The following CSF3R variants were observed in gnomAD, a reference collection of about 807,000 sequenced individuals.
CSF3R encodes the protein colony stimulating factor 3 receptor.
In CSF3R, 52 loss-of-function variants were observed where a neutral mutation model predicts 84.4. The ratio of observed to expected loss-of-function variants is 0.62; its 90% CI spans 0.49 to 0.78. The LOEUF is 0.78. Ranked by LOEUF, CSF3R falls within the 30% of genes least tolerant of loss-of-function variation. The probability of loss-of-function intolerance (pLI) is 0.00; values close to 1 mark genes in which losing one functional copy is unlikely to be tolerated. For missense variants in CSF3R, 890 were observed against 1,055.7 expected (o/e 0.84, Z 2.17); for synonymous variants, 384 against 429.1 (o/e 0.89, Z 1.30).
intron 2 of CSF3R, among the ~76,000 whole-genome samples, chr1:36,480,609 A>G (rs957962584): frequency 3.3e-5 from 5 of 152,180 alleles, no homozygotes; most frequent in African/African-American, 4.8e-5. Flanking sequence ...ATCAGTGGGA[A>G]TCGCTGGTCA....
chr1:36,479,148 T>C (rs977602969), intron 3 of CSF3R: 4 of 489,076 alleles, frequency 8.2e-6, no homozygotes, highest in Non-Finnish European at 1.5e-5. Context: ...ATAGGACCCA[T>C]GGGTTGCTTC....
intron 6 of CSF3R, 39 bp downstream of exon 6, chr1:36,473,395 GC>G: frequency 6.2e-7 from 1 of 1,606,768 alleles, no homozygotes; most frequent in Non-Finnish European, 8.5e-7. Context: ...CTCAGTGTCT[GC>G]CCATTTTGGG....
Position 36,471,622 on chromosome 1 carries a change from C to T in CSF3R, c.1096G>A (p.Gly366Arg), listed in dbSNP as rs768170625. Reference protein sequence around the residue: ...WKPVPLEEDSGRIQGYVVSWR... With the variant: ...WKPVPLEEDSRRIQGYVVSWR... ...GAAACCACATAACCTTGGATCCGTCCGCTGTCTTCCTCCAGGGGCACTGGC... is the reference window on the plus strand; with the variant it reads ...GAAACCACATAACCTTGGATCCGTCTGCTGTCTTCCTCCAGGGGCACTGGC... The change falls in exon 10 of 17, where the codon GGA becomes AGA. Residue 366 changes from glycine to arginine, a missense_variant. Coordinates refer to ENST00000373106, the MANE Select transcript of CSF3R (RefSeq NM_000760.4). The T allele has an allele frequency of 1.4e-4, 232 of 1,614,058 alleles. No homozygotes were observed. In the East Asian group the frequency reaches 1.5e-3, roughly 11 times the overall value.
chr1:36,473,129 G>T, intron 6 of CSF3R: 1 of 434,494 alleles, frequency 2.3e-6, no homozygotes, highest in Non-Finnish European at 4.1e-6. Context: ...ACATTCTGAG[G>T]GCATTTTTGA....
rs3918002 is a variant in CSF3R, at chr1:36,466,329, A to C, written c.*28T>G. On this transcript the variant is annotated 3_prime_UTR_variant, in exon 17 of 17. Transcript: ENST00000373106. The surrounding 1 kb of genome is among the most constrained non-coding windows in gnomAD (Gnocchi z 4.6). ...CAGCTAGCTCAGGCCTTTAAGAGGC[A>C]GGCCCAAGAAGGGAACCCCAGGAAG... 2.5e-4 allele frequency: 398 copies of C among 1,612,186 alleles called. 1 individual carries two copies. In the African/African-American group the frequency reaches 4.7e-3, roughly 19 times the overall value.
At chr1:36,471,217 TG>T (rs1650699929) in intron 10 of CSF3R, among the ~76,000 whole-genome samples, 1 of 152,144 alleles carries the variant, frequency 6.6e-6, no homozygotes, top group South Asian at 2.1e-4. Context: ...GGCTAATTTT[TG>T]TATTTTTAGT....
chr1:36,476,441 T>C (rs1458900487), intron 3 of CSF3R: 1 of 152,216 alleles, frequency 6.6e-6, no homozygotes, highest in African/African-American at 2.4e-5. Context: ...GGCATGTGAG[T>C]ATTTGCTGCC....
rs201519524 is a variant in CSF3R, at chr1:36,468,050, G to A, written c.1723+25C>T. 995 of 1,614,266 alleles carry A rather than the reference G, an allele frequency of 6.2e-4. 2 individuals are homozygous for A. The highest frequency in any genetic ancestry group is 3.0e-3 in the Middle Eastern group (18 of 6,062). On this transcript the variant is annotated intron_variant, in intron 13 of 16. Coordinates refer to ENST00000373106, the MANE Select transcript of CSF3R (RefSeq NM_000760.4). ...ACCCCCTTCCAGGCCTTCTGGGGCTGTGGGGGAACTGAGGATAGACTCACA... is the reference window on the plus strand; with the variant it reads ...ACCCCCTTCCAGGCCTTCTGGGGCTATGGGGGAACTGAGGATAGACTCACA...
intron 3 of CSF3R, among the ~76,000 whole-genome samples, chr1:36,477,871 G>A (rs185975175): frequency 7.9e-5 from 12 of 151,952 alleles, no homozygotes; most frequent in Non-Finnish European, 1.6e-4. Flanking sequence ...CCATTGTCCT[G>A]CCTCAGCCTC....
At position 36,466,284 on chromosome 1, in the gene CSF3R, A is replaced by T. The variant is rs1390575972; in HGVS notation, c.*73T>A. The T allele has an allele frequency of 5.0e-6, 8 of 1,611,868 alleles. No individual in the cohort carries two copies. In the East Asian group the frequency reaches 6.7e-5, roughly 13 times the overall value. ...TGGGGTAGTTTTTAGTCATGGGCTT[A>T]TGGACCCTCCCCTCTTCTCCAGCTA... On this transcript the variant is annotated 3_prime_UTR_variant, in exon 17 of 17. Coordinates refer to ENST00000373106, the MANE Select transcript of CSF3R (RefSeq NM_000760.4). This position sits in a 1 kb window ranked among gnomAD's most constrained non-coding sequence, Gnocchi z 4.6.
chr1:36,475,385 C>CGCA lies in CSF3R; in HGVS notation c.350_352dup (p.Leu117dup). ...TGGCTGGAAGGACTTACAGCCTGCG[C>CGCA]GCAGCTCAACCTGGTCCAGGATCTG... On this transcript the variant is annotated inframe_insertion, in exon 4 of 17. Transcript: ENST00000373106. The CGCA allele has an allele frequency of 6.2e-7, 1 of 1,613,814 alleles. No homozygotes were observed. The highest frequency in any genetic ancestry group is 1.1e-5 in the South Asian group (1 of 91,058).
At chr1:36,471,870 G>A in intron 9 of CSF3R, 196 bp downstream of exon 9, 1 of 693,638 alleles carries the variant, frequency 1.4e-6, no homozygotes, top group Middle Eastern at 4.0e-4. Flanking sequence ...ACTATTCACT[G>A]AACCACACTG....
chr1:36,475,903 C>T, intron 3 of CSF3R: 1 of 531,778 alleles, frequency 1.9e-6, no homozygotes, highest in Admixed American at 3.4e-5. Context: ...CAGAGAAAAG[C>T]AGACCCTGGT....
chr1:36,473,629 A>T lies in CSF3R; in HGVS notation c.486-7T>A. On this transcript the variant is annotated splice_region_variant and splice_polypyrimidine_tract_variant and intron_variant, in intron 5 of 16. Coordinates refer to ENST00000373106, the MANE Select transcript of CSF3R (RefSeq NM_000760.4). The stretch of plus-strand genomic sequence containing the variant: ...CTGACAGTTGCCCCGGCTCCTGCCA[A>T]TAGTCCAGGCTTGGGTGCCAAGCAG... 1 of 1,613,980 alleles carries T rather than the reference A, an allele frequency of 6.2e-7. No individual in the cohort carries two copies. Among genetic ancestry groups the T allele is most frequent in the Non-Finnish European group, 8.5e-7 (1 of 1,180,024 alleles).
chr1:36,471,406 G>T (rs1402196052), intron 10 of CSF3R, 27 bp downstream of exon 10: 12 of 1,600,104 alleles, frequency 7.5e-6, no homozygotes, highest in Non-Finnish European at 1.0e-5. Context: ...TGACCTCTGT[G>T]CTCTTCTGGC....
At chr1:36,480,661 C>T (rs1651463524) in intron 2 of CSF3R, among the ~76,000 whole-genome samples, 1 of 152,188 alleles carries the variant, frequency 6.6e-6, no homozygotes, top group African/African-American at 2.4e-5. Flanking sequence ...CAGGTGGTGT[C>T]CCAGCAGATC....
In CSF3R at chr1:36,472,271, T is replaced by C. The variant is rs376634675; in HGVS notation, c.964A>G (p.Ser322Gly). The change falls in exon 8 of 17, where the codon AGC becomes GGC. Residue 322 changes from serine (S) to glycine (G), a missense_variant. Coordinates refer to ENST00000373106, the MANE Select transcript of CSF3R (RefSeq NM_000760.4). The surrounding 1 kb of genome is among the most constrained non-coding windows in gnomAD (Gnocchi z 5.0). ...GTAGTTCTCAGCTCCAGGCTGGGGC[T>C]CCAGTCGCTCCAGTGGCCAGGCAGG... The part of the protein sequence containing the change: ...WPLPGHWSDW[S>G]PSLELRTTER... The C allele has an allele frequency of 1.4e-5, 22 of 1,614,044 alleles. No individual in the cohort carries two copies. Among genetic ancestry groups the C allele is most frequent in the Non-Finnish European group, 1.9e-5 (22 of 1,180,036 alleles).
rs754739637 is a variant in CSF3R at position 36,467,909 on chromosome 1, C to G, written c.1777G>C (p.Ala593Pro). 1.9e-6 allele frequency: 3 copies of G among 1,614,196 alleles called. No individual in the cohort carries two copies. Among genetic ancestry groups the G allele is most frequent in the South Asian group, 1.1e-5 (1 of 91,092 alleles). Residue 593 changes from alanine to proline, a missense_variant, in exon 14 of 17, where the codon GCC (alanine) becomes CCC (proline). By Grantham distance (27) the Ala-to-Pro change is conservative (BLOSUM62 -1). Coordinates refer to ENST00000373106, the MANE Select transcript of CSF3R (RefSeq NM_000760.4). This position sits in a 1 kb window ranked among gnomAD's most constrained non-coding sequence, Gnocchi z 4.1. ...RGFVLHGLEP[A>P]SLYHIHLMAA... ...ATGAGGTGGATGTGATACAGACTGG[C>G]GGGCTCCAGGCCATGGAGGACAAAG...
chr1:36,472,973 T>C lies in CSF3R; in HGVS notation c.674-287A>G. ...AGGATCTGCTCAATTGTCACCCTCT[T>C]AGTGAGGCCTTTCTTGACCAGCATA... is the stretch of plus-strand genomic sequence containing the variant. On this transcript the variant is annotated intron_variant, in intron 6 of 16. Coordinates refer to ENST00000373106, the MANE Select transcript of CSF3R (RefSeq NM_000760.4). The surrounding 1 kb of genome is among the most constrained non-coding windows in gnomAD (Gnocchi z 5.0). 1 of 464,220 alleles carries C rather than the reference T, an allele frequency of 2.2e-6. No homozygotes were observed. The highest frequency in any genetic ancestry group is 3.8e-6 in the Non-Finnish European group (1 of 262,018). The allele number at this position is 464,220 out of a possible 1,614,324, so 28.8% of individuals were successfully genotyped here.
Sources: allele counts gnomAD v4.1 joint callset (sites outside exome capture counted in the v4.1 genomes callset), GRCh38; gene constraint gnomAD v4.1.1; non-coding constraint Gnocchi (gnomAD v3.1); transcripts MANE v1.5; gene names NCBI Gene and HGNC (gene_info 2026-07-23, HGNC 2026-07-21).